IPO11: variants seen among roughly 807,000 people sequenced by gnomAD.
IPO11 encodes the protein importin 11, also known as importin-11.
A neutral mutation model predicts 143.2 loss-of-function variants in IPO11; 66 were observed. The observed-to-expected ratio is 0.46, with a 90% CI of 0.38 to 0.57. IPO11 has a LOEUF of 0.57. Among genes scored for constraint, IPO11 ranks in the 20% least tolerant of loss-of-function variants. The pLI is 0.00. For synonymous variants in IPO11, 385 were observed against 377.8 expected (o/e 1.02, Z -0.22); for missense variants, 1,026 against 1,141.0 (o/e 0.90, Z 1.45).
chr5:62,513,876 G>T (rs1249678687), intron 19 of IPO11, among the ~76,000 whole-genome samples: 1 of 150,328 alleles, frequency 6.7e-6, no homozygotes, highest in East Asian at 2.0e-4. Context: ...CTTCTCAGAC[G>T]GGGCGGCCGG....
intron 20 of IPO11, among the ~76,000 whole-genome samples, chr5:62,517,058 C>T (rs574689448): frequency 2.1e-4 from 32 of 152,052 alleles, no homozygotes; most frequent in Non-Finnish European, 2.9e-4. Context: ...ATTAGCCAGG[C>T]GTGGTGGCGG....
chr5:62,585,391 C>T (rs897858952), intron 27 of IPO11, among the ~76,000 whole-genome samples: 1 of 152,104 alleles, frequency 6.6e-6, no homozygotes, highest in Non-Finnish European at 1.5e-5. Context: ...ATTATAAATG[C>T]TACTGACCAG....
chr5:62,573,850 C>A (rs139639069), intron 27 of IPO11, among the ~76,000 whole-genome samples: 2,652 of 152,208 alleles, frequency 0.017, 73 homozygotes, highest in African/African-American at 0.059. Flanking sequence ...TACCTCTCAG[C>A]CGTATTGGGT....
intron 27 of IPO11, among the ~76,000 whole-genome samples, chr5:62,586,768 A>AATATATATATATATATATATAT (rs56808416): frequency 6.9e-5 from 2 of 28,916 alleles, no homozygotes; most frequent in African/African-American, 1.3e-4. Flanking sequence ...AAAAAAAAAA[A>AATATATATATATATATATATAT]ATATATATAT....
chr5:62,529,282 C>G (rs1303584669), intron 21 of IPO11, among the ~76,000 whole-genome samples: 1 of 151,936 alleles, frequency 6.6e-6, no homozygotes, highest in Non-Finnish European at 1.5e-5. Context: ...GCAGTATCAG[C>G]TATATCTTAT....
intron 25 of IPO11, among the ~76,000 whole-genome samples, chr5:62,551,021 A>G (rs547346369): frequency 2.3e-3 from 341 of 147,252 alleles, no homozygotes; most frequent in African/African-American, 7.3e-3. Flanking sequence ...TCTTTATTGT[A>G]TATATATATA....
At chr5:62,467,041 T>C (rs894047926) in intron 5 of IPO11, 90 bp from the exon 6 acceptor site, 4 of 1,228,724 alleles carry the variant, frequency 3.3e-6, no homozygotes, top group Non-Finnish European at 4.5e-6. Context: ...TGTGCTTAGT[T>C]GTAAAACTAA....
intron 16 of IPO11, among the ~76,000 whole-genome samples, chr5:62,499,759 A>G (rs1741285762): frequency 6.6e-6 from 1 of 152,150 alleles, no homozygotes; most frequent in Admixed American, 6.5e-5. Context: ...ATATTTGTGC[A>G]AAAATATTTT....
intron 27 of IPO11, 35 bp downstream of exon 27, chr5:62,561,292 A>ATCACGCCTGTAATCCC: frequency 1.7e-6 from 1 of 592,114 alleles, no homozygotes; most frequent in Non-Finnish European, 2.5e-6. Context: ...TGTTTCTTTC[A>ATCACGCCTGTAATCCC]AGCATCAAAA....
chr5:62,475,818 G>C (rs1027858485), intron 8 of IPO11, among the ~76,000 whole-genome samples: 1 of 152,170 alleles, frequency 6.6e-6, no homozygotes. Context: ...ATTTATATTT[G>C]TGTTGTATTT....
At chr5:62,534,217 A>C (rs1311499463) in intron 22 of IPO11, among the ~76,000 whole-genome samples, 1 of 152,068 alleles carries the variant, frequency 6.6e-6, no homozygotes, top group Non-Finnish European at 1.5e-5. Context: ...CTTTAAATCT[A>C]TGTTATGGTG....
intron 26 of IPO11, among the ~76,000 whole-genome samples, chr5:62,551,621 C>T (rs181347120): frequency 9.9e-5 from 15 of 152,236 alleles, no homozygotes; most frequent in South Asian, 2.1e-4. Flanking sequence ...TTCACTGATA[C>T]AGAATCTGGA....
chr5:62,493,590 A>G (rs1305464135), intron 15 of IPO11, among the ~76,000 whole-genome samples: 1 of 149,700 alleles, frequency 6.7e-6, no homozygotes, highest in Non-Finnish European at 1.5e-5. Flanking sequence ...TTTTTTTGAC[A>G]GAGCCTTGAT....
At chr5:62,516,831 CTT>C (rs1462503554) in intron 20 of IPO11, among the ~76,000 whole-genome samples, 13 of 151,810 alleles carry the variant, frequency 8.6e-5, no homozygotes, top group Admixed American at 7.2e-4. Context: ...CTCTGTAACT[CTT>C]TTTATCTTGT....
intron 27 of IPO11, among the ~76,000 whole-genome samples, chr5:62,570,318 A>G (rs919810789): frequency 6.6e-6 from 1 of 152,180 alleles, no homozygotes; most frequent in African/African-American, 2.4e-5. Flanking sequence ...CTCCCCCCAA[A>G]AAAGTCCCAC....
chr5:62,551,274 C>G lies in IPO11; in HGVS notation c.2398C>G (p.Leu800Val). The G allele has an allele frequency of 6.2e-7, 1 of 1,610,680 alleles. No homozygotes were observed. Among genetic ancestry groups the G allele is most frequent in the South Asian group, 1.1e-5 (1 of 90,870 alleles). The stretch of plus-strand genomic sequence containing the variant: ...TCTTGGAGTTATGGGTCGAGTTCTA[C>G]TACAAAACACTAGTTTTTTTTCTTC... The part of the protein sequence containing the change: ...TYLGVMGRVL[L>V]QNTSFFSSLL... Residue 800 changes from leucine (L) to valine (V), a missense_variant, in exon 26 of 30, where the codon CTA (leucine) becomes GTA (valine). Physicochemically the swap from Leu to Val is conservative, Grantham distance 32 (BLOSUM62 1). Coordinates refer to ENST00000325324, the MANE Select transcript of IPO11 (RefSeq NM_016338.5).
intron 28 of IPO11, among the ~76,000 whole-genome samples, chr5:62,595,985 G>A (rs981077389): frequency 4.4e-4 from 67 of 151,606 alleles, no homozygotes; most frequent in Non-Finnish European, 2.8e-4. Context: ...GTGGCCCGGC[G>A]CGGTGGCTCA....
chr5:62,569,919 A>G (rs1456684820), intron 27 of IPO11, among the ~76,000 whole-genome samples: 1 of 152,150 alleles, frequency 6.6e-6, no homozygotes. Context: ...GGTTCTGATT[A>G]TTTCAGTTCA....
intron 7 of IPO11, among the ~76,000 whole-genome samples, chr5:62,472,798 G>A (rs541982479): frequency 1.3e-5 from 2 of 152,048 alleles, no homozygotes; most frequent in East Asian, 1.9e-4. Context: ...CAAAGTTCTG[G>A]GATTACAGGC....
Sources: gnomAD v4.1 joint callset for allele counts (sites outside exome capture counted in the v4.1 genomes callset) on GRCh38, gnomAD v4.1.1 for gene constraint, MANE v1.5 for transcripts, NCBI Gene and HGNC (gene_info 2026-07-23, HGNC 2026-07-21) for gene names.